Variants in DHRS2 observed in about 807,000 individuals in gnomAD.
DHRS2 encodes dehydrogenase/reductase SDR family member 2, mitochondrial.
Under a neutral mutation model 26.3 loss-of-function variants are expected in DHRS2, and 29 were observed. The observed-to-expected ratio is 1.10, with a 90% confidence interval of 0.82 to 1.50. The LOEUF is 1.50. DHRS2 is among the 40% of genes most tolerant of loss of function. DHRS2 has a pLI of 0.00. For synonymous variants in DHRS2, 164 were observed against 151.3 expected (o/e 1.08, Z -0.62); for missense variants, 439 against 367.1 (o/e 1.20, Z -1.60).
Position 23,638,948 on chromosome 14 carries a change from A to G in DHRS2, c.84A>G (p.Ile28Met). Residue 28 changes from isoleucine (I) to methionine (M), a missense_variant, in exon 2 of 9, where the codon ATA (isoleucine) becomes ATG (methionine). Ile to Met is a conservative substitution (Grantham distance 10). Transcript: ENST00000250383. ...RLSVRMSSTGIDRKGVLANRV... is the reference protein window; with the variant it reads ...RLSVRMSSTGMDRKGVLANRV... The stretch of plus-strand genomic sequence containing the variant: ...CTGTGAGGATGAGCAGCACCGGGAT[A>G]GACAGGAAGGGCGTCCTGGCTAACC... The G allele has an allele frequency of 6.2e-7, 1 of 1,614,148 alleles. No individual in the cohort carries two copies. The highest frequency in any genetic ancestry group is 2.2e-5 in the East Asian group (1 of 44,886).
At chr14:23,640,966 G>T (rs1286862694) in intron 4 of DHRS2, 1 of 152,296 alleles carries the variant, frequency 6.6e-6, no homozygotes, top group African/African-American at 2.4e-5. Flanking sequence ...ACAGGATCAT[G>T]ACTCTTTTTC....
At chr14:23,644,574 G>A (rs1189187868) in intron 7 of DHRS2, 31 bp downstream of exon 7, 1 of 1,614,156 alleles carries the variant, frequency 6.2e-7, no homozygotes, top group African/African-American at 1.3e-5. Context: ...CCATCTCCCA[G>A]TCTGGCTCAG....
At chr14:23,639,726 C>T (rs1311193945) in intron 3 of DHRS2, 68 bp from the exon 4 acceptor site, 2 of 1,481,400 alleles carry the variant, frequency 1.4e-6, no homozygotes, top group Non-Finnish European at 1.8e-6. Context: ...GCCTTATGAC[C>T]TGGGCTGCCC....
At chr14:23,644,598 C>T (rs1299956613) in intron 7 of DHRS2, 55 bp downstream of exon 7, 1 of 1,613,502 alleles carries the variant, frequency 6.2e-7, no homozygotes, top group Admixed American at 1.7e-5. Context: ...GAACCCTTCC[C>T]AGTGAATAAG....
chr14:23,631,549 C>A (rs1890118696), upstream of DHRS2, among the ~76,000 whole-genome samples: 1 of 136,356 alleles, frequency 7.3e-6, no homozygotes, highest in South Asian at 2.1e-4. Flanking sequence ...TCTTCCTCTA[C>A]CCCCCCCACC....
Position 23,645,528 on chromosome 14 carries a change from T to C in DHRS2, c.*275T>C. The C allele has an allele frequency of 3.6e-6, 2 of 551,632 alleles. No homozygotes were observed. The highest frequency in any genetic ancestry group is 6.1e-5 in the East Asian group (2 of 32,710). The allele number at this position is 551,632 out of a possible 1,614,324, so 34.2% of individuals were successfully genotyped here. ...TTATGGAGCTGGTGCTTTGGAGGAA[T>C]CTTAAGGGAAAGGAGTAGAAGCTCA... On this transcript the variant is annotated 3_prime_UTR_variant, in exon 9 of 9. Coordinates refer to ENST00000250383, the MANE Select transcript of DHRS2 (RefSeq NM_005794.4).
chr14:23,637,174 G>C (rs958785043), intron 1 of DHRS2, among the ~76,000 whole-genome samples: 1 of 152,132 alleles, frequency 6.6e-6, no homozygotes, highest in African/African-American at 2.4e-5. Flanking sequence ...ATGCCTGCCA[G>C]ACAAACTTTC....
At position 23,639,190 on chromosome 14, in the gene DHRS2, C is replaced by T. The variant is rs760741798; in HGVS notation, c.152C>T (p.Ala51Val). 1.2e-6 allele frequency: 2 copies of T among 1,613,252 alleles called. No homozygotes were observed. Among genetic ancestry groups the T allele is most frequent in the African/African-American group, 1.3e-5 (1 of 74,924 alleles). ...ATCTCTGCATTCAGGATCGGCTTTG[C>T]CATCGCCCGACGTCTGGCCCGGGAC... ...VTGSTSGIGF[A>V]IARRLARDGA... Residue 51 changes from alanine (A) to valine (V), a missense_variant, in exon 3 of 9, where the codon GCC becomes GTC. By Grantham distance (64) the Ala-to-Val change is moderately conservative. Coordinates refer to ENST00000250383, the MANE Select transcript of DHRS2 (RefSeq NM_005794.4).
chr14:23,642,832 T>C, intron 4 of DHRS2: 1 of 240,634 alleles, frequency 4.2e-6, no homozygotes, highest in Non-Finnish European at 8.2e-6. Flanking sequence ...CCTCCTAAAG[T>C]GCTGAGATTA....
chr14:23,644,616 G>A, intron 7 of DHRS2, 73 bp downstream of exon 7: 1 of 1,607,706 alleles, frequency 6.2e-7, no homozygotes, highest in South Asian at 1.1e-5. Context: ...AAGGGATCAA[G>A]GGGTGACTGA....
chr14:23,635,732 T>C (rs1338336736), upstream of DHRS2, among the ~76,000 whole-genome samples: 1 of 152,246 alleles, frequency 6.6e-6, no homozygotes, highest in Non-Finnish European at 1.5e-5. Context: ...ACCACTGCAC[T>C]GTGGGGGCCC....
intron 1 of DHRS2, among the ~76,000 whole-genome samples, chr14:23,631,255 G>T (rs1158707986): frequency 6.6e-6 from 1 of 152,042 alleles, no homozygotes; most frequent in African/African-American, 2.4e-5. Flanking sequence ...CTAAAAGTCT[G>T]TTTTTTCAGC....
At chr14:23,641,628 C>G in intron 4 of DHRS2, 2 of 1,289,680 alleles carry the variant, frequency 1.6e-6, no homozygotes, top group Middle Eastern at 2.1e-4. Context: ...ACCAGGAAAC[C>G]CTTACAGCTA....
At chr14:23,639,648 C>T (rs751624264) in intron 3 of DHRS2, 146 bp from the exon 4 acceptor site, 3 of 924,328 alleles carry the variant, frequency 3.2e-6, no homozygotes, top group Non-Finnish European at 4.6e-6. Context: ...CAGTGCCTGG[C>T]CCCAGGAGCC....
At chr14:23,634,096 C>T (rs1027689841), upstream of DHRS2, among the ~76,000 whole-genome samples, 4 of 103,068 alleles carry the variant, frequency 3.9e-5, no homozygotes, top group Non-Finnish European at 7.0e-5. Flanking sequence ...GAGACGGAGT[C>T]TCCCTCTGTC....
chr14:23,644,931 C>T, intron 8 of DHRS2, 49 bp downstream of exon 8: 1 of 1,600,562 alleles, frequency 6.2e-7, no homozygotes, highest in Non-Finnish European at 8.6e-7. Context: ...TAGGCAGGGG[C>T]AGTTGAGTCT....
At position 23,636,400 on chromosome 14, in the gene DHRS2, C is replaced by T. The variant is rs778388574; in HGVS notation, c.-411C>T. 2 of 152,040 alleles carry T rather than the reference C, an allele frequency of 1.3e-5. No homozygotes were observed. The highest frequency in any genetic ancestry group is 1.9e-4 in the East Asian group (1 of 5,158). 9.4% of individuals were successfully genotyped at this position (152,040 alleles called of 1,614,324 possible). A position where few individuals can be genotyped will look rare whatever the true frequency, so the allele number is the denominator to read the frequency against. On this transcript the variant is annotated 5_prime_UTR_variant, in exon 1 of 9. Transcript: ENST00000250383. ...CTGGTTCCCTTCCACGCTGTGGAAGCTTTGTTCTTTTGGTCTTCATGATAA... is the reference window on the plus strand; with the variant it reads ...CTGGTTCCCTTCCACGCTGTGGAAGTTTTGTTCTTTTGGTCTTCATGATAA...
chr14:23,638,873 A>G lies in DHRS2; in HGVS notation c.9A>G (p.Ser3=). The G allele has an allele frequency of 6.2e-7, 1 of 1,614,018 alleles. No individual in the cohort carries two copies. Among genetic ancestry groups the G allele is most frequent in the Non-Finnish European group, 8.5e-7 (1 of 1,179,928 alleles). Residue 3 remains serine, a synonymous_variant, in exon 2 of 9, where the codon TCA becomes TCG. Coordinates refer to ENST00000250383, the MANE Select transcript of DHRS2 (RefSeq NM_005794.4). ...CTCAGACACCAACCACTATGCTGTC[A>G]GCAGTTGCCCGGGGCTACCAGGGCT... ML[S]AVARGYQGWF... is the part of the protein sequence containing the mutation.
chr14:23,645,377 C>G lies in DHRS2; in HGVS notation c.*124C>G. On this transcript the variant is annotated 3_prime_UTR_variant, in exon 9 of 9. Coordinates refer to ENST00000250383, the MANE Select transcript of DHRS2 (RefSeq NM_005794.4). ...GCCAGACTAGCAATTTGGGGGCTTA[C>G]TCATGCTAGGCTTGAGGAAGAAGAA... 6 of 1,580,850 alleles carry G rather than the reference C, an allele frequency of 3.8e-6. No homozygotes were observed. The highest frequency in any genetic ancestry group is 5.1e-6 in the Non-Finnish European group (6 of 1,165,902).
Sources: allele counts gnomAD v4.1 joint callset (sites outside exome capture counted in the v4.1 genomes callset), GRCh38; gene constraint gnomAD v4.1.1; transcripts MANE v1.5; gene names NCBI Gene and HGNC (gene_info 2026-07-23, HGNC 2026-07-21).